Variants in NTM observed in about 807,000 individuals in gnomAD.
NTM encodes IgLON family member 2.
In NTM, 13 loss-of-function variants were observed where a neutral mutation model predicts 42.1. The ratio of observed to expected loss-of-function variants is 0.31; its 90% CI spans 0.20 to 0.49. The LOEUF is 0.49. NTM is among the 20% of genes least tolerant of loss of function. The probability of loss-of-function intolerance (pLI) is 0.99; values close to 1 mark genes in which losing one functional copy is unlikely to be tolerated. For missense variants in NTM, 373 were observed against 452.8 expected (o/e 0.82, Z 1.60); for synonymous variants, 187 against 179.2 (o/e 1.04, Z -0.35).
chr11:131,859,289 T>C (rs1462382500), intron 1 of NTM, among the ~76,000 whole-genome samples: 1 of 152,130 alleles, frequency 6.6e-6, no homozygotes, highest in African/African-American at 2.4e-5. Context: ...AAAATAAAAC[T>C]TTTGAAAATT....
At chr11:132,142,452 C>G (rs1383476357) in intron 2 of NTM, among the ~76,000 whole-genome samples, 2 of 152,212 alleles carry the variant, frequency 1.3e-5, no homozygotes, top group African/African-American at 2.4e-5. Context: ...ACCTCCAGAG[C>G]CTTCTCTGTG....
chr11:131,615,552 G>T (rs1335413257), intron 1 of NTM, among the ~76,000 whole-genome samples: 1 of 152,022 alleles, frequency 6.6e-6, no homozygotes, highest in Non-Finnish European at 1.5e-5. Flanking sequence ...AATTTTATTG[G>T]AGAGATGGGA....
intron 1 of NTM, among the ~76,000 whole-genome samples, chr11:131,890,042 C>T (rs1313043802): frequency 6.6e-6 from 1 of 152,104 alleles, no homozygotes; most frequent in Non-Finnish European, 1.5e-5. Flanking sequence ...TCCAGCAGTG[C>T]ACTCCTCCCT....
At chr11:131,406,308 A>G (rs1180915205) in intron 1 of NTM, among the ~76,000 whole-genome samples, 1 of 152,220 alleles carries the variant, frequency 6.6e-6, no homozygotes, top group Non-Finnish European at 1.5e-5. Flanking sequence ...CTTTCTATCT[A>G]GAAACTGGGA....
rs540349784 is a variant in NTM at position 132,296,745 on chromosome 11, G to A, written c.527-10944G>A. 5.9e-5 allele frequency among the ~76,000 whole-genome samples: 9 copies of A among 152,260 alleles called. No homozygotes were observed. The South Asian group carries it at 1.9e-3, about 32-fold the overall frequency. On this transcript the variant is annotated intron_variant, in intron 4 of 8. Coordinates refer to ENST00000683400, the MANE Select transcript of NTM (RefSeq NM_001352005.2). ...GTGTGCCCAGTGAAAGAGTAAATCG[G>A]CTATTCTTTTCCTTCCCATACACCG...
At chr11:132,164,469 A>G (rs1249257272) in intron 3 of NTM, among the ~76,000 whole-genome samples, 9 of 152,204 alleles carry the variant, frequency 5.9e-5, no homozygotes. Context: ...TTTCAAAAGT[A>G]GCACACAATT....
chr11:131,581,433 T>C (rs2058402351), intron 1 of NTM, among the ~76,000 whole-genome samples: 1 of 152,198 alleles, frequency 6.6e-6, no homozygotes, highest in Non-Finnish European at 1.5e-5. Context: ...AAAGCTCCAT[T>C]TGGATTTTAC....
chr11:132,158,965 C>A (rs977251334), intron 3 of NTM, among the ~76,000 whole-genome samples: 2 of 152,130 alleles, frequency 1.3e-5, no homozygotes, highest in African/African-American at 4.8e-5. Flanking sequence ...AGGAGAGGGC[C>A]AGATCTCTGC....
intron 2 of NTM, among the ~76,000 whole-genome samples, chr11:132,116,823 A>G (rs184789662): frequency 6.6e-6 from 1 of 152,216 alleles, no homozygotes; most frequent in Non-Finnish European, 1.5e-5. Flanking sequence ...CCGTGATGCT[A>G]TCCTCATTTG....
At chr11:131,869,111 C>T (rs1430680271) in intron 1 of NTM, among the ~76,000 whole-genome samples, 1 of 152,106 alleles carries the variant, frequency 6.6e-6, no homozygotes, top group Non-Finnish European at 1.5e-5. Context: ...CCGCAATGTG[C>T]CTTCAGTATC....
At chr11:132,204,224 T>C (rs2081600822) in intron 3 of NTM, among the ~76,000 whole-genome samples, 1 of 152,238 alleles carries the variant, frequency 6.6e-6, no homozygotes, top group Admixed American at 6.5e-5. Context: ...AGGTATTTAA[T>C]AAATGGTAAT....
At chr11:132,320,532 C>T (rs537531456) in intron 7 of NTM, among the ~76,000 whole-genome samples, 285 of 152,336 alleles carry the variant, frequency 1.9e-3, no homozygotes, top group Middle Eastern at 3.4e-3. Context: ...TCCTACCCCA[C>T]GGAGTCTCGC....
chr11:132,290,050 T>C (rs950747671), intron 4 of NTM, among the ~76,000 whole-genome samples: 2 of 152,236 alleles, frequency 1.3e-5, no homozygotes, highest in Non-Finnish European at 2.9e-5. Context: ...GCCGCTATAT[T>C]GTTCTTTCTT....
chr11:131,841,476 C>T (rs1411704739), intron 1 of NTM, among the ~76,000 whole-genome samples: 2 of 152,208 alleles, frequency 1.3e-5, no homozygotes, highest in Admixed American at 1.3e-4. Flanking sequence ...CTTGGCAGCA[C>T]ACAAGAATCA....
intron 1 of NTM, among the ~76,000 whole-genome samples, chr11:131,670,901 T>C (rs2070083968): frequency 6.6e-6 from 1 of 152,094 alleles, no homozygotes; most frequent in African/African-American, 2.4e-5. Context: ...ATTCACTCAG[T>C]AGATGCTAAA....
intron 1 of NTM, among the ~76,000 whole-genome samples, chr11:131,582,693 G>A (rs1467145794): frequency 6.6e-6 from 1 of 152,026 alleles, no homozygotes; most frequent in Non-Finnish European, 1.5e-5. Flanking sequence ...TAGTTAACAC[G>A]CAATACTTAA....
At chr11:131,933,977 A>G (rs1055129813) in intron 2 of NTM, among the ~76,000 whole-genome samples, 2 of 152,152 alleles carry the variant, frequency 1.3e-5, no homozygotes, top group African/African-American at 4.8e-5. Context: ...AGGGTCTGAG[A>G]TGCAGAGACG....
At chr11:131,945,385 C>T (rs1199386580) in intron 2 of NTM, among the ~76,000 whole-genome samples, 1 of 152,172 alleles carries the variant, frequency 6.6e-6, no homozygotes. Context: ...ACCTGGAACC[C>T]TTTATCCCAC....
At chr11:132,093,015 G>A (rs914968371) in intron 2 of NTM, among the ~76,000 whole-genome samples, 13 of 152,156 alleles carry the variant, frequency 8.5e-5, no homozygotes, top group Admixed American at 6.5e-4. Context: ...GCTAGAAAGA[G>A]CCTTTGAAAT....
Sources: allele counts gnomAD v4.1 joint callset (sites outside exome capture counted in the v4.1 genomes callset), GRCh38; gene constraint gnomAD v4.1.1; transcripts MANE v1.5; gene names NCBI Gene and HGNC (gene_info 2026-07-23, HGNC 2026-07-21).